KIF21B: variants seen among roughly 807,000 people sequenced by gnomAD.
KIF21B encodes kinesin family member 21B.
In KIF21B, 85 loss-of-function variants were observed where a neutral mutation model predicts 192.9. The observed-to-expected ratio is 0.44, with a 90% confidence interval of 0.37 to 0.53. KIF21B has a LOEUF of 0.53. KIF21B is among the 20% of genes least tolerant of loss of function. KIF21B has a pLI of 0.00. For synonymous variants in KIF21B, 832 were observed against 884.6 expected, an observed-to-expected ratio of 0.94 and a Z score of 1.05; for missense variants, 1,716 against 2,194.8, an observed-to-expected ratio of 0.78 and a Z score of 4.36.
At chr1:201,002,409 G>C (rs1657555594) in intron 8 of KIF21B, 59 bp from the exon 9 acceptor site, 2 of 1,502,352 alleles carry the variant, frequency 1.3e-6, no homozygotes, top group South Asian at 2.3e-5. Context: ...GGGGGGGTAA[G>C]GGGCTGATGA....
Position 200,999,769 on chromosome 1 carries a change from T to C in KIF21B, c.1767+114A>G. ...TAAGGAAGTACAAGGATCAACTGGA[T>C]GCAGACCCAACCGCCTCCTTCACTC... On this transcript the variant is annotated intron_variant, in intron 12 of 34. Transcript: ENST00000461742. This position sits in a 1 kb window ranked among gnomAD's most constrained non-coding sequence, Gnocchi z 4.7. The C allele has an allele frequency of 2.8e-6, 3 of 1,079,328 alleles. No individual in the cohort carries two copies. Among genetic ancestry groups the C allele is most frequent in the South Asian group, 2.6e-5 (2 of 78,172 alleles). 66.9% of individuals were successfully genotyped at this position (1,079,328 alleles called of 1,614,324 possible). A position where few individuals can be genotyped will look rare whatever the true frequency, so the allele number is the denominator to read the frequency against.
intron 26 of KIF21B, among the ~76,000 whole-genome samples, chr1:200,986,558 A>G (rs1179569715): frequency 6.6e-6 from 1 of 151,662 alleles, no homozygotes; most frequent in Non-Finnish European, 1.5e-5. Flanking sequence ...ATGTTTCACC[A>G]TATTGGCCAG....
rs775355566 is a variant in KIF21B at position 201,002,198 on chromosome 1, G to A, written c.1365C>T (p.Leu455=). The part of the protein sequence containing the change: ...IDAINNRVTQ[L]MSQEANLLLA... Reference sequence around the variant, plus strand: ...GCAGCAGGTTGGCCTCCTGGCTCATGAGCTGGGTGACGCGGTTGTTGATGG... The same window carrying A: ...GCAGCAGGTTGGCCTCCTGGCTCATAAGCTGGGTGACGCGGTTGTTGATGG... Residue 455 remains leucine (L), a synonymous_variant, in exon 9 of 35, where the codon CTC becomes CTT. Transcript: ENST00000461742. 6 of 1,614,198 alleles carry A rather than the reference G, an allele frequency of 3.7e-6. No homozygotes were observed. The highest frequency in any genetic ancestry group is 1.6e-4 in the Middle Eastern group (1 of 6,062).
At chr1:200,989,318 C>T (rs763797982) in intron 21 of KIF21B, among the ~76,000 whole-genome samples, 31 of 152,152 alleles carry the variant, frequency 2.0e-4, no homozygotes, top group Non-Finnish European at 3.5e-4. Context: ...AGTCCCCAGA[C>T]ACAAAGCGGA....
At chr1:201,007,167 CACAG>C (rs1328448922) in intron 3 of KIF21B, among the ~76,000 whole-genome samples, 1 of 146,914 alleles carries the variant, frequency 6.8e-6, no homozygotes, top group Non-Finnish European at 1.5e-5. Flanking sequence ...CACAGAGACA[CACAG>C]ACACACACAC....
intron 27 of KIF21B, 35 bp from the exon 28 acceptor site, chr1:200,983,129 T>G: frequency 6.5e-7 from 1 of 1,527,194 alleles, no homozygotes; most frequent in Non-Finnish European, 8.8e-7. Context: ...GATTAGGGGG[T>G]GAGAGGAGAC....
chr1:201,004,694 A>G, intron 6 of KIF21B, 72 bp downstream of exon 6: 1 of 1,568,788 alleles, frequency 6.4e-7, no homozygotes, highest in East Asian at 2.2e-5. Context: ...CAGGTGTAGG[A>G]CTGCAGGGCC....
chr1:200,989,969 G>A lies in KIF21B; in HGVS notation c.3105C>T (p.Asp1035=), dbSNP rs764123257. ...CSLAEARLLL[D]NFLKASIDKG... ...TGTCAATGGATGCCTTGAGGAAGTTGTCTAGCAGGAGGCGGGCTTCAGCCA... is the reference window on the plus strand; with the variant it reads ...TGTCAATGGATGCCTTGAGGAAGTTATCTAGCAGGAGGCGGGCTTCAGCCA... The change falls in exon 21 of 35, where the codon GAC becomes GAT. Residue 1035 remains aspartate, a synonymous_variant. Transcript: ENST00000461742. 1 of 1,613,924 alleles carries A rather than the reference G, an allele frequency of 6.2e-7. No individual in the cohort carries two copies. Among genetic ancestry groups the A allele is most frequent in the Non-Finnish European group, 8.5e-7 (1 of 1,180,012 alleles).
chr1:201,014,083 C>G (rs186784757), intron 1 of KIF21B, among the ~76,000 whole-genome samples: 20 of 152,248 alleles, frequency 1.3e-4, no homozygotes, highest in Non-Finnish European at 2.9e-5. Flanking sequence ...GCGGGTAGAG[C>G]GGGCGCGAGA....
chr1:200,995,703 T>C lies in KIF21B; in HGVS notation c.2277+493A>G, dbSNP rs1159852875. ...TTTCTCATACATAAAAGAATAATAATAGACTTCTTTCAAGAGGTTCTTCTA... is the reference window on the plus strand; with the variant it reads ...TTTCTCATACATAAAAGAATAATAACAGACTTCTTTCAAGAGGTTCTTCTA... On this transcript the variant is annotated intron_variant, in intron 15 of 34. Transcript: ENST00000461742. Among the ~76,000 whole-genome samples the C allele has an allele frequency of 4.6e-5, 7 of 152,178 alleles. No individual in the cohort carries two copies. In the East Asian group the frequency reaches 5.8e-4, roughly 13 times the overall value.
chr1:200,974,076 C>T (rs1469034433), intron 34 of KIF21B: 2 of 1,610,940 alleles, frequency 1.2e-6, no homozygotes, highest in African/African-American at 1.3e-5. Context: ...AAAGAGGAGA[C>T]AGGGAGAGTT....
Position 200,975,179 on chromosome 1 carries a change from C to T in KIF21B, c.4615-266G>A, listed in dbSNP as rs540107649. 6.6e-5 allele frequency among the ~76,000 whole-genome samples: 10 copies of T among 152,284 alleles called. No individual in the cohort carries two copies. Among genetic ancestry groups the T allele is most frequent in the Admixed American group, 2.6e-4 (4 of 15,300 alleles). ...GGCAGAGAACCCTTCAGCCCTCACA[C>T]GGGTCAGGCTAAAACACAAATGCTC... On this transcript the variant is annotated intron_variant, in intron 33 of 34. Coordinates refer to ENST00000461742, the MANE Select transcript of KIF21B (RefSeq NM_001252102.2). The surrounding 1 kb of genome is among the most constrained non-coding windows in gnomAD (Gnocchi z 4.3).
rs1337505383 is a variant in KIF21B, at chr1:201,000,882, C to A, written c.1403-102G>T. 6.0e-6 allele frequency: 7 copies of A among 1,167,990 alleles called. No homozygotes were observed. Among genetic ancestry groups the A allele is most frequent in the Non-Finnish European group, 8.9e-6 (7 of 785,116 alleles). The allele number at this position is 1,167,990 out of a possible 1,614,324, so 72.4% of individuals were successfully genotyped here. ...CAGCACTTTGGGAGGCCAAGGCGGG[C>A]GGATCACCTGAGGCTGGGAGTTCGA... is the stretch of plus-strand genomic sequence containing the variant. On this transcript the variant is annotated intron_variant, in intron 9 of 34. Coordinates refer to ENST00000461742, the MANE Select transcript of KIF21B (RefSeq NM_001252102.2). The surrounding 1 kb of genome is among the most constrained non-coding windows in gnomAD (Gnocchi z 6.0).
At position 201,009,425 on chromosome 1, in the gene KIF21B, C is replaced by T. The variant is rs774792778; in HGVS notation, c.105G>A (p.Pro35=). 5.6e-6 allele frequency: 9 copies of T among 1,614,122 alleles called. No homozygotes were observed. The highest frequency in any genetic ancestry group is 4.4e-5 in the South Asian group (4 of 91,086). ...EGCHICTSVT[P]GEPQVLLGKD... Reference sequence around the variant, plus strand: ...TCCCCAGCAGGACCTGGGGCTCTCCCGGGGTAACAGAGGTACAGATGTGAC... The same window carrying T: ...TCCCCAGCAGGACCTGGGGCTCTCCTGGGGTAACAGAGGTACAGATGTGAC... The change falls in exon 2 of 35, where the codon CCG becomes CCA. Residue 35 remains proline, a synonymous_variant. Coordinates refer to ENST00000461742, the MANE Select transcript of KIF21B (RefSeq NM_001252102.2).
At chr1:201,011,469 T>G (rs1658230655) in intron 1 of KIF21B, among the ~76,000 whole-genome samples, 1 of 152,260 alleles carries the variant, frequency 6.6e-6, no homozygotes, top group Non-Finnish European at 1.5e-5. Context: ...GCAGTCTGCA[T>G]GCACTGCCCT....
chr1:200,994,698 G>C (rs1156927484), intron 15 of KIF21B, among the ~76,000 whole-genome samples: 1 of 152,212 alleles, frequency 6.6e-6, no homozygotes, highest in Admixed American at 6.5e-5. Context: ...GCCAGGACAC[G>C]ATGGGGTACC....
chr1:201,012,706 C>T (rs977405242), intron 1 of KIF21B, among the ~76,000 whole-genome samples: 2 of 152,148 alleles, frequency 1.3e-5, no homozygotes, highest in Non-Finnish European at 2.9e-5. Context: ...TCCAGTGGTG[C>T]AATCATGGCT....
At chr1:200,988,614 T>C in intron 22 of KIF21B, 70 bp from the exon 23 acceptor site, 2 of 1,435,772 alleles carry the variant, frequency 1.4e-6, no homozygotes, top group Non-Finnish European at 1.9e-6. Context: ...GGGATGATGG[T>C]CTCCCTCCTA....
chr1:201,009,619 C>A, intron 1 of KIF21B, 131 bp from the exon 2 acceptor site: 2 of 822,654 alleles, frequency 2.4e-6, no homozygotes, highest in Non-Finnish European at 3.7e-6. Context: ...GCTTAGGTGA[C>A]CCCAGAGGAC....
Sources: gnomAD v4.1 joint callset for allele counts (sites outside exome capture counted in the v4.1 genomes callset) on GRCh38, gnomAD v4.1.1 for gene constraint, Gnocchi (gnomAD v3.1) non-coding constraint, MANE v1.5 for transcripts, NCBI Gene and HGNC (gene_info 2026-07-23, HGNC 2026-07-21) for gene names.